The following ATP13A4 variants were observed in gnomAD, a reference collection of about 807,000 sequenced individuals.
ATP13A4 encodes ATPase 13A4.
ATP13A4 carries 114 observed loss-of-function variants against 142.5 expected under a neutral mutation model. That is an observed-to-expected ratio of 0.80 (90% CI 0.69 to 0.93). The LOEUF is 0.93. Among genes scored for constraint, ATP13A4 ranks in the 40% least tolerant of loss-of-function variants. The pLI is 0.00. For missense variants in ATP13A4, 1,392 were observed against 1,454.0 expected (o/e 0.96, Z 0.69); for synonymous variants, 488 against 514.8 (o/e 0.95, Z 0.70).
chr3:193,496,600 G>A (rs931043394), intron 3 of ATP13A4, among the ~76,000 whole-genome samples: 2 of 152,058 alleles, frequency 1.3e-5, no homozygotes, highest in Non-Finnish European at 2.9e-5. Context: ...AGACCAGCCT[G>A]GCCAACATAG....
intron 24 of ATP13A4, 80 bp downstream of exon 24, chr3:193,435,568 T>C: frequency 5.4e-6 from 6 of 1,109,148 alleles, no homozygotes; most frequent in East Asian, 2.4e-5. Flanking sequence ...TACTCTTTCT[T>C]TGAGAGGCAT....
chr3:193,479,950 T>C (rs1719193582), intron 8 of ATP13A4, among the ~76,000 whole-genome samples: 1 of 151,908 alleles, frequency 6.6e-6, no homozygotes, highest in Non-Finnish European at 1.5e-5. Context: ...ATAGAGAACT[T>C]AGAAATAAAG....
At chr3:193,499,263 A>T (rs1053108794) in intron 3 of ATP13A4, among the ~76,000 whole-genome samples, 1 of 152,222 alleles carries the variant, frequency 6.6e-6, no homozygotes, top group Admixed American at 6.5e-5. Context: ...ATCTCTCTCT[A>T]ATTTGCAGAT....
At chr3:193,416,562 T>C (rs1715074159) in intron 25 of ATP13A4, among the ~76,000 whole-genome samples, 1 of 152,028 alleles carries the variant, frequency 6.6e-6, no homozygotes, top group Non-Finnish European at 1.5e-5. Flanking sequence ...AACAGCAAAC[T>C]TGCAAACTTC....
chr3:193,402,683 G>A lies in ATP13A4; in HGVS notation c.3560C>T (p.Pro1187Leu), dbSNP rs1714307371. Residue 1187 changes from proline (P) to leucine (L), a missense_variant, in exon 30 of 30, where the codon CCA becomes CTA. Physicochemically the swap from Pro to Leu is moderately conservative, Grantham distance 98. Transcript: ENST00000342695. ...TTGTTCTTCATTGCTCTCAAATACT[G>A]GATTGCTGTAAGACACTCCTCTGCC... ...ECGRGVSYSN[P>L]VFESNEEQL 9.0e-7 allele frequency: 1 copy of A among 1,115,912 alleles called. No homozygotes were observed. The highest frequency in any genetic ancestry group is 1.2e-5 in the South Asian group (1 of 81,132). The allele number at this position is 1,115,912 out of a possible 1,614,324, so 69.1% of individuals were successfully genotyped here.
Position 193,438,392 on chromosome 3 carries a change from T to C in ATP13A4, c.2672+83A>G, listed in dbSNP as rs1042990893. On this transcript the variant is annotated intron_variant, in intron 23 of 29. Coordinates refer to ENST00000342695, the MANE Select transcript of ATP13A4 (RefSeq NM_032279.4). ...TCCGCACCCAGGGACAGAAAGTTTC[T>C]CTAGTCTTTCCCAGGCAGAACAATG... 9 of 1,177,278 alleles carry C rather than the reference T, an allele frequency of 7.6e-6. No individual in the cohort carries two copies. In the African/African-American group the frequency reaches 1.4e-4, roughly 18 times the overall value. 72.9% of individuals were successfully genotyped at this position (1,177,278 alleles called of 1,614,324 possible).
chr3:193,501,490 A>C (rs2108675533), intron 3 of ATP13A4, among the ~76,000 whole-genome samples: 1 of 151,510 alleles, frequency 6.6e-6, no homozygotes, highest in Non-Finnish European at 1.5e-5. Flanking sequence ...TTGGAGGCTG[A>C]GGCAGGAGAA....
At chr3:193,543,268 A>C (rs193111915) in intron 1 of ATP13A4, among the ~76,000 whole-genome samples, 1 of 152,292 alleles carries the variant, frequency 6.6e-6, no homozygotes, top group East Asian at 1.9e-4. Flanking sequence ...TTGCAACAAA[A>C]GCAAAAATTC....
intron 18 of ATP13A4, 62 bp downstream of exon 18, chr3:193,448,144 G>A (rs1449955924): frequency 6.2e-7 from 1 of 1,601,442 alleles, no homozygotes; most frequent in Admixed American, 1.7e-5. Flanking sequence ...TATTAAATGA[G>A]TGAACCATGT....
At chr3:193,499,811 A>G (rs765979853) in intron 3 of ATP13A4, among the ~76,000 whole-genome samples, 1 of 152,248 alleles carries the variant, frequency 6.6e-6, no homozygotes, top group African/African-American at 2.4e-5. Flanking sequence ...CAGAAACCAC[A>G]CACTGAGGTT....
intron 6 of ATP13A4, among the ~76,000 whole-genome samples, chr3:193,490,453 T>A (rs77725985): frequency 6.6e-6 from 1 of 152,214 alleles, no homozygotes; most frequent in African/African-American, 2.4e-5. Context: ...ATGGGTGAGT[T>A]GAAGACTGCA....
chr3:193,473,732 G>T (rs141238567), intron 8 of ATP13A4, among the ~76,000 whole-genome samples: 120 of 152,258 alleles, frequency 7.9e-4, no homozygotes, highest in African/African-American at 2.6e-3. Flanking sequence ...AGCCAAAAAT[G>T]CATAACCTGA....
At chr3:193,547,190 A>G (rs1017052491) in intron 1 of ATP13A4, among the ~76,000 whole-genome samples, 1 of 152,202 alleles carries the variant, frequency 6.6e-6, no homozygotes, top group East Asian at 1.9e-4. Flanking sequence ...GTCTGACAAG[A>G]CTATATAGTT....
At chr3:193,460,049 T>C (rs542295655) in intron 13 of ATP13A4, among the ~76,000 whole-genome samples, 163 of 152,242 alleles carry the variant, frequency 1.1e-3, no homozygotes, top group African/African-American at 3.7e-3. Flanking sequence ...GTTTGAACGG[T>C]GGAAGCTTCA....
At chr3:193,542,377 C>T (rs1722977400) in intron 1 of ATP13A4, among the ~76,000 whole-genome samples, 1 of 152,058 alleles carries the variant, frequency 6.6e-6, no homozygotes, top group African/African-American at 2.4e-5. Context: ...GAATCAATAT[C>T]ATGAAAATGG....
intron 25 of ATP13A4, among the ~76,000 whole-genome samples, chr3:193,429,090 A>T (rs1320180592): frequency 6.6e-6 from 1 of 152,092 alleles, no homozygotes; most frequent in Non-Finnish European, 1.5e-5. Flanking sequence ...AATGCAAGTC[A>T]AAATCATAAT....
intron 2 of ATP13A4, among the ~76,000 whole-genome samples, chr3:193,563,097 A>T (rs1276849873): frequency 6.6e-6 from 1 of 152,190 alleles, no homozygotes; most frequent in African/African-American, 2.4e-5. Context: ...GACATTTTTT[A>T]GGGAAAAAAT....
chr3:193,490,780 G>T (rs1199486958), intron 6 of ATP13A4, among the ~76,000 whole-genome samples: 1 of 152,102 alleles, frequency 6.6e-6, no homozygotes, highest in African/African-American at 2.4e-5. Context: ...AGGCAAGGAG[G>T]AGTCGAGAGA....
chr3:193,537,294 G>C (rs1425838641), intron 1 of ATP13A4, among the ~76,000 whole-genome samples: 3 of 151,996 alleles, frequency 2.0e-5, no homozygotes, highest in Non-Finnish European at 4.4e-5. Context: ...GACATACACA[G>C]ATACACCCAA....
Sources: gnomAD v4.1 joint callset for allele counts (sites outside exome capture counted in the v4.1 genomes callset) on GRCh38, gnomAD v4.1.1 for gene constraint, MANE v1.5 for transcripts, NCBI Gene and HGNC (gene_info 2026-07-23, HGNC 2026-07-21) for gene names.